Variants in GAS7 observed in about 807,000 individuals in gnomAD.
The protein encoded by GAS7 is growth arrest specific 7.
In GAS7, 28 loss-of-function variants were observed where a neutral mutation model predicts 71.1. That is an observed-to-expected ratio of 0.39 (90% CI 0.29 to 0.54). GAS7 has a LOEUF of 0.54. Among genes scored for constraint, GAS7 ranks in the 20% least tolerant of loss-of-function variants. GAS7 has a pLI of 0.62. For missense variants in GAS7, 436 were observed against 627.8 expected (o/e 0.69, Z 3.27); for synonymous variants, 258 against 245.8 (o/e 1.05, Z -0.46).
At chr17:9,996,380 AG>A (rs1213548266) in intron 2 of GAS7, among the ~76,000 whole-genome samples, 1 of 139,890 alleles carries the variant, frequency 7.1e-6, no homozygotes, top group Middle Eastern at 3.4e-3. Flanking sequence ...ATGAGAACAC[AG>A]GGACACAGGA....
intron 2 of GAS7, among the ~76,000 whole-genome samples, chr17:9,996,026 C>T (rs1306456455): frequency 6.6e-6 from 1 of 152,048 alleles, no homozygotes; most frequent in East Asian, 1.9e-4. Flanking sequence ...GCAAATGTGC[C>T]GAAAGAATAC....
intron 2 of GAS7, among the ~76,000 whole-genome samples, chr17:10,010,828 C>G (rs1358344913): frequency 2.0e-5 from 3 of 152,140 alleles, no homozygotes; most frequent in African/African-American, 7.2e-5. Context: ...CACTTTTACA[C>G]CAAGTCAGAT....
chr17:10,188,259 C>T (rs2074471717), intron 1 of GAS7, among the ~76,000 whole-genome samples: 2 of 152,032 alleles, frequency 1.3e-5, no homozygotes, highest in African/African-American at 4.8e-5. Flanking sequence ...AAAAAAAAAT[C>T]CATTTCAATA....
At chr17:10,040,019 G>C (rs1169163114) in intron 1 of GAS7, among the ~76,000 whole-genome samples, 1 of 152,156 alleles carries the variant, frequency 6.6e-6, no homozygotes, top group Non-Finnish European at 1.5e-5. Context: ...CTAATTGCTG[G>C]GTTTCAATCT....
At chr17:10,172,004 G>A (rs923640111) in intron 1 of GAS7, among the ~76,000 whole-genome samples, 4 of 152,120 alleles carry the variant, frequency 2.6e-5, no homozygotes, top group Non-Finnish European at 5.9e-5. Flanking sequence ...GTTCAGCTGG[G>A]AAAACAGCAC....
intron 1 of GAS7, among the ~76,000 whole-genome samples, chr17:10,189,767 T>C (rs1223464956): frequency 6.6e-6 from 1 of 151,432 alleles, no homozygotes; most frequent in Non-Finnish European, 1.5e-5. Flanking sequence ...GGCAAAACCC[T>C]ATCTCTACTA....
At chr17:10,070,341 C>CTTTTTTTT (rs71365713) in intron 1 of GAS7, among the ~76,000 whole-genome samples, 672 of 105,774 alleles carry the variant, frequency 6.4e-3, no homozygotes, top group Non-Finnish European at 7.5e-3. Flanking sequence ...TCTCTCTCTT[C>CTTTTTTTT]TTTTTTTTTT....
In GAS7 at chr17:9,959,087, C is replaced by G; in HGVS notation, c.525+115G>C. 1.5e-6 allele frequency: 2 copies of G among 1,365,570 alleles called. No individual in the cohort carries two copies. The highest frequency in any genetic ancestry group is 2.0e-6 in the Non-Finnish European group (2 of 1,021,346). The allele number at this position is 1,365,570 out of a possible 1,614,324, so 84.6% of individuals were successfully genotyped here. A position where few individuals can be genotyped will look rare whatever the true frequency, so the allele number is the denominator to read the frequency against. On this transcript the variant is annotated intron_variant, in intron 5 of 13. Coordinates refer to ENST00000432992, the MANE Select transcript of GAS7 (RefSeq NM_201433.2). The surrounding 1 kb of genome is among the most constrained non-coding windows in gnomAD (Gnocchi z 5.0). ...GTGAAATCCGAGCTTTGGAACTTCC[C>G]CGTTTCCAGGTTGGGCATCACTTCT... is the stretch of plus-strand genomic sequence containing the variant.
intron 1 of GAS7, among the ~76,000 whole-genome samples, chr17:10,115,327 G>C (rs964959193): frequency 6.6e-6 from 1 of 152,108 alleles, no homozygotes; most frequent in East Asian, 1.9e-4. Flanking sequence ...GTGCACAGGC[G>C]GGGGGAACGC....
chr17:10,129,002 G>T (rs1178478500), intron 1 of GAS7, among the ~76,000 whole-genome samples: 1 of 152,088 alleles, frequency 6.6e-6, no homozygotes, highest in Non-Finnish European at 1.5e-5. Flanking sequence ...CTCCCTGTGG[G>T]TCAGCAGACA....
intron 4 of GAS7, among the ~76,000 whole-genome samples, chr17:9,965,944 G>C (rs1436156059): frequency 6.6e-6 from 1 of 151,758 alleles, no homozygotes; most frequent in African/African-American, 2.4e-5. Context: ...ACACGTTACT[G>C]GTGTCCGTGG....
intron 9 of GAS7, among the ~76,000 whole-genome samples, 196 bp downstream of exon 9, chr17:9,933,970 T>C (rs1020229275): frequency 5.9e-5 from 9 of 152,218 alleles, no homozygotes; most frequent in African/African-American, 9.6e-5. Flanking sequence ...ACTGTGTCTA[T>C]ACAAAAATGC....
intron 1 of GAS7, among the ~76,000 whole-genome samples, chr17:10,090,972 C>T (rs907931250): frequency 1.3e-5 from 2 of 152,118 alleles, no homozygotes; most frequent in African/African-American, 4.8e-5. Flanking sequence ...TTTTCTCTCC[C>T]CACAGGACTC....
chr17:10,128,240 C>T lies in GAS7; in HGVS notation c.183+69968G>A, dbSNP rs113076062. ...GGATTCCACTCTGCGGTGCAGACTT[C>T]GAGAGGAAACAATTTCCTAATCCCC... On this transcript the variant is annotated intron_variant, in intron 1 of 13. Coordinates refer to ENST00000432992, the MANE Select transcript of GAS7 (RefSeq NM_201433.2). Among the ~76,000 whole-genome samples, 6 of 152,318 alleles carry T rather than the reference C, an allele frequency of 3.9e-5. 1 individual carries two copies. Among genetic ancestry groups the T allele is most frequent in the African/African-American group, 1.2e-4 (5 of 41,578 alleles).
At chr17:10,068,106 C>A (rs570201272) in intron 1 of GAS7, among the ~76,000 whole-genome samples, 7 of 152,276 alleles carry the variant, frequency 4.6e-5, no homozygotes, top group Admixed American at 6.5e-5. Flanking sequence ...AAACACACTC[C>A]AATACTTCCT....
intron 2 of GAS7, among the ~76,000 whole-genome samples, chr17:10,005,801 C>T (rs967398579): frequency 6.6e-6 from 1 of 152,154 alleles, no homozygotes; most frequent in Non-Finnish European, 1.5e-5. Flanking sequence ...CCTGACCTTG[C>T]CTGCCTGCCA....
chr17:9,923,323 C>CTT (rs1198816818), intron 11 of GAS7, among the ~76,000 whole-genome samples: 1 of 150,262 alleles, frequency 6.7e-6, no homozygotes, highest in East Asian at 1.9e-4. Context: ...ATCTAGGCTT[C>CTT]TTATGGGAAA....
chr17:10,195,470 G>A (rs754986489), intron 1 of GAS7, among the ~76,000 whole-genome samples: 11 of 152,192 alleles, frequency 7.2e-5, no homozygotes, highest in East Asian at 1.9e-4. Flanking sequence ...TGAAAGTTCC[G>A]CTGGAGTAGG....
chr17:10,075,717 A>G (rs1269377759), intron 1 of GAS7, among the ~76,000 whole-genome samples: 1 of 150,870 alleles, frequency 6.6e-6, no homozygotes, highest in African/African-American at 2.4e-5. Context: ...ATCACTTGGG[A>G]CCAGGAGATT....
Sources: allele counts gnomAD v4.1 joint callset (sites outside exome capture counted in the v4.1 genomes callset), GRCh38; gene constraint gnomAD v4.1.1; non-coding constraint Gnocchi (gnomAD v3.1); transcripts MANE v1.5; gene names NCBI Gene and HGNC (gene_info 2026-07-23, HGNC 2026-07-21).